The following HBE1 variants were observed in gnomAD, a reference collection of about 807,000 sequenced individuals.
HBE1 encodes the protein hemoglobin subunit epsilon.
Under a neutral mutation model 12.1 loss-of-function variants are expected in HBE1, and 10 were observed. The observed-to-expected ratio is 0.83, with a 90% CI of 0.51 to 1.40. HBE1 has a LOEUF of 1.40. Ranked by LOEUF, HBE1 falls within the 40% of genes most tolerant of loss-of-function variation. The pLI is 0.00. For synonymous variants in HBE1, 78 were observed against 70.4 expected, an observed-to-expected ratio of 1.11 and a Z score of -0.54; for missense variants, 172 against 175.8, an observed-to-expected ratio of 0.98 and a Z score of 0.12.
chr11:5,269,855 G>T lies in HBE1; in HGVS notation c.36C>A (p.Val12=), dbSNP rs151318493. Residue 12 remains valine, a synonymous_variant, in exon 1 of 3, where the codon GTC becomes GTA. Transcript: ENST00000396895. ...VHFTAEEKAA[V]TSLWSKMNVE... ...CATTCATCTTGCTCCACAGGCTAGT[G>T]ACGGCAGCCTTCTCCTCAGCAGTAA... 329 of 1,613,870 alleles carry T rather than the reference G, an allele frequency of 2.0e-4. 1 individual carries two copies. The highest frequency in any genetic ancestry group is 2.1e-4 in the Non-Finnish European group (246 of 1,179,868).
chr11:5,268,406 C>T lies in HBE1; in HGVS notation c.*63G>A, dbSNP rs775280808. 27 of 1,503,272 alleles carry T rather than the reference C, an allele frequency of 1.8e-5. No homozygotes were observed. The highest frequency in any genetic ancestry group is 2.5e-5 in the Non-Finnish European group (27 of 1,094,584). The allele number at this position is 1,503,272 out of a possible 1,614,324, so 93.1% of individuals were successfully genotyped here. A position where few individuals can be genotyped will look rare whatever the true frequency, so the allele number is the denominator to read the frequency against. Reference sequence around the variant, plus strand: ...GAAGGCTTTCTCTCAAGGCCAAGCCCAGTCCCCATGTGCAGAAGGAGGGTG... The same window carrying T: ...GAAGGCTTTCTCTCAAGGCCAAGCCTAGTCCCCATGTGCAGAAGGAGGGTG... On this transcript the variant is annotated 3_prime_UTR_variant, in exon 3 of 3. Coordinates refer to ENST00000396895, the MANE Select transcript of HBE1 (RefSeq NM_005330.4).
Position 5,268,601 on chromosome 11 carries a change from T to C in HBE1, c.316-4A>G. ...TCACCATCACGTTACCCAGGAGCTG[T>C]TAGGCAAAAGACAAAATAACACACA... On this transcript the variant is annotated splice_polypyrimidine_tract_variant and splice_region_variant and intron_variant, in intron 2 of 2. Coordinates refer to ENST00000396895, the MANE Select transcript of HBE1 (RefSeq NM_005330.4). 1 of 1,613,286 alleles carries C rather than the reference T, an allele frequency of 6.2e-7. No individual in the cohort carries two copies. Among genetic ancestry groups the C allele is most frequent in the Non-Finnish European group, 8.5e-7 (1 of 1,179,426 alleles).
chr11:5,269,810 T>C lies in HBE1; in HGVS notation c.81A>G (p.Glu27=), dbSNP rs1848172019. 1.9e-6 allele frequency: 3 copies of C among 1,613,092 alleles called. No individual in the cohort carries two copies. The highest frequency in any genetic ancestry group is 2.5e-6 in the Non-Finnish European group (3 of 1,179,074). The change falls in exon 1 of 3, where the codon GAA becomes GAG. Residue 27 remains glutamate (E), a synonymous_variant. Coordinates refer to ENST00000396895, the MANE Select transcript of HBE1 (RefSeq NM_005330.4). The part of the protein sequence containing the change: ...SKMNVEEAGG[E]ALGRLLVVYP... ...GAACCAATGCTTACCTGCCCAAGGCTTCACCTCCAGCCTCTTCCACATTCA... is the reference window on the plus strand; with the variant it reads ...GAACCAATGCTTACCTGCCCAAGGCCTCACCTCCAGCCTCTTCCACATTCA...
At position 5,269,596 on chromosome 11, in the gene HBE1, T is replaced by C. The variant is rs773095940; in HGVS notation, c.173A>G (p.Asn58Ser). ...NLSSPSAILG[N>S]PKVKAHGKKV... ...CTTGCCATGGGCCTTGACCTTGGGG[T>C]TGCCCAGGATGGCAGAGGGAGACGA... Residue 58 changes from asparagine to serine, a missense_variant, in exon 2 of 3, where the codon AAC becomes AGC. Asn to Ser is a conservative substitution (Grantham distance 46). Transcript: ENST00000396895. 3.7e-6 allele frequency: 6 copies of C among 1,613,300 alleles called. No homozygotes were observed. The East Asian group carries it at 1.3e-4, about 36-fold the overall frequency.
chr11:5,268,724 C>T (rs1848161023), intron 2 of HBE1, 127 bp from the exon 3 acceptor site: 1 of 834,576 alleles, frequency 1.2e-6, no homozygotes, highest in African/African-American at 1.7e-5. Flanking sequence ...ACCCTGACCT[C>T]AAACTGTTCC....
chr11:5,269,276 C>CTGTCACTAG (rs1284555105), intron 2 of HBE1, among the ~76,000 whole-genome samples, 178 bp downstream of exon 2: 3 of 152,196 alleles, frequency 2.0e-5, no homozygotes, highest in Non-Finnish European at 4.4e-5. Flanking sequence ...TAGTCCTTTA[C>CTGTCACTAG]TGTCACTAGT....
chr11:5,269,480 G>C lies in HBE1; in HGVS notation c.289C>G (p.Leu97Val), dbSNP rs747898696. ...AKLSELHCDK[L>V]HVDPENFKLL... ...TTGAAGTTCTCAGGATCCACATGCA[G>C]CTTGTCACAGTGCAGCTCACTCAGC... The change falls in exon 2 of 3, where the codon CTG becomes GTG. Residue 97 changes from leucine (L) to valine (V), a missense_variant. Coordinates refer to ENST00000396895, the MANE Select transcript of HBE1 (RefSeq NM_005330.4). The C allele has an allele frequency of 6.2e-7, 1 of 1,613,832 alleles. No homozygotes were observed. Among genetic ancestry groups the C allele is most frequent in the Admixed American group, 1.7e-5 (1 of 60,016 alleles).
rs765841913 is a variant in HBE1, at chr11:5,269,655, C to T, written c.114G>A (p.Trp38Ter). 6.2e-7 allele frequency: 1 copy of T among 1,613,200 alleles called. No homozygotes were observed. The highest frequency in any genetic ancestry group is 1.1e-5 in the South Asian group (1 of 91,060). ...ALGRLLVVYP[W>*]TQRFFDSFGN... ...CAAAGCTGTCAAAAAATCTCTGGGT[C>T]CAGGGGTAAACAACGAGGAGTCTAT... Residue 38 changes from tryptophan (W) to a stop codon, truncating the protein, a stop_gained, in exon 2 of 3, where the codon TGG becomes TGA. Coordinates refer to ENST00000396895, the MANE Select transcript of HBE1 (RefSeq NM_005330.4). LOFTEE classifies it high-confidence loss of function.
At chr11:5,268,676 A>AACAT (rs1848160232) in intron 2 of HBE1, 79 bp from the exon 3 acceptor site, 1 of 1,367,958 alleles carries the variant, frequency 7.3e-7, no homozygotes, top group Non-Finnish European at 1.0e-6. Context: ...AAAACAAACA[A>AACAT]ACAAACAAAA....
At position 5,269,663 on chromosome 11, in the gene HBE1, AAAC is replaced by A. The variant is rs1564890485; in HGVS notation, c.103_105del (p.Val35del). 2 of 1,612,880 alleles carry A rather than the reference AAAC, an allele frequency of 1.2e-6. No homozygotes were observed. The highest frequency in any genetic ancestry group is 1.3e-5 in the African/African-American group (1 of 75,012). On this transcript the variant is annotated inframe_deletion, in exon 2 of 3. Transcript: ENST00000396895. ...TCAAAAAATCTCTGGGTCCAGGGGTAAACAACGAGGAGTCTATGAAATGACACC... is the reference window on the plus strand; with the variant it reads ...TCAAAAAATCTCTGGGTCCAGGGGTAAACGAGGAGTCTATGAAATGACACC...
chr11:5,269,839 T>A lies in HBE1; in HGVS notation c.52A>T (p.Lys18Ter). 5 of 1,614,068 alleles carry A rather than the reference T, an allele frequency of 3.1e-6. No homozygotes were observed. The highest frequency in any genetic ancestry group is 4.2e-6 in the Non-Finnish European group (5 of 1,179,940). ...EKAAVTSLWS[K>*]MNVEEAGGEA... The stretch of plus-strand genomic sequence containing the variant: ...CCTCCAGCCTCTTCCACATTCATCT[T>A]GCTCCACAGGCTAGTGACGGCAGCC... Residue 18 changes from lysine to a stop codon, truncating the protein, a stop_gained, in exon 1 of 3, where the codon AAG becomes TAG. Coordinates refer to ENST00000396895, the MANE Select transcript of HBE1 (RefSeq NM_005330.4). LOFTEE classifies it high-confidence loss of function.
chr11:5,269,817 C>T lies in HBE1; in HGVS notation c.74G>A (p.Gly25Glu), dbSNP rs1162100767. The T allele has an allele frequency of 6.2e-7, 1 of 1,613,032 alleles. No individual in the cohort carries two copies. The highest frequency in any genetic ancestry group is 1.1e-5 in the South Asian group (1 of 91,060). The change falls in exon 1 of 3, where the codon GGA becomes GAA. Residue 25 changes from glycine (G) to glutamate (E), a missense_variant. By Grantham distance (98) the Gly-to-Glu change is moderately conservative. Transcript: ENST00000396895. ...TGCTTACCTGCCCAAGGCTTCACCTCCAGCCTCTTCCACATTCATCTTGCT... is the reference window on the plus strand; with the variant it reads ...TGCTTACCTGCCCAAGGCTTCACCTTCAGCCTCTTCCACATTCATCTTGCT... ...LWSKMNVEEA[G>E]GEALGRLLVV... is the part of the protein sequence containing the mutation.
In HBE1 at chr11:5,268,415, T is replaced by G; in HGVS notation, c.*54A>C. 1 of 1,555,264 alleles carries G rather than the reference T, an allele frequency of 6.4e-7. No individual in the cohort carries two copies. The highest frequency in any genetic ancestry group is 1.7e-5 in the Admixed American group (1 of 57,852). On this transcript the variant is annotated 3_prime_UTR_variant, in exon 3 of 3. Coordinates refer to ENST00000396895, the MANE Select transcript of HBE1 (RefSeq NM_005330.4). ...CTCTCAAGGCCAAGCCCAGTCCCCA[T>G]GTGCAGAAGGAGGGTGTCAGGGTCA...
At chr11:5,269,067 A>C (rs1848163700) in intron 2 of HBE1, among the ~76,000 whole-genome samples, 1 of 152,050 alleles carries the variant, frequency 6.6e-6, no homozygotes, top group Non-Finnish European at 1.5e-5. Context: ...TTTTTTGCAA[A>C]AATCTCTTTC....
rs112459959 is a variant in HBE1 at position 5,269,281 on chromosome 11, A to C, written c.315+173T>G. 3.6e-3 allele frequency among the ~76,000 whole-genome samples: 548 copies of C among 152,304 alleles called. 5 individuals are homozygous for C. Among genetic ancestry groups the C allele is most frequent in the African/African-American group, 0.012 (487 of 41,560 alleles). ...AGGCTGTTAGTAGTCCTTTACTGTC[A>C]CTAGTTCTGAATCATGTAAGTTTTG... On this transcript the variant is annotated intron_variant, in intron 2 of 2. Transcript: ENST00000396895.
In HBE1 at chr11:5,269,852, A is replaced by C. The variant is rs1284811767; in HGVS notation, c.39T>G (p.Thr13=). 1 of 1,613,918 alleles carries C rather than the reference A, an allele frequency of 6.2e-7. No individual in the cohort carries two copies. The highest frequency in any genetic ancestry group is 1.7e-5 in the Admixed American group (1 of 60,000). ...HFTAEEKAAV[T]SLWSKMNVEE... ...CCACATTCATCTTGCTCCACAGGCT[A>C]GTGACGGCAGCCTTCTCCTCAGCAG... The change falls in exon 1 of 3, where the codon ACT becomes ACG. Residue 13 remains threonine (T), a synonymous_variant. Transcript: ENST00000396895.
In HBE1 at chr11:5,269,923, A is replaced by C; in HGVS notation, c.-33T>G. 6.7e-7 allele frequency: 1 copy of C among 1,499,608 alleles called. No homozygotes were observed. Among genetic ancestry groups the C allele is most frequent in the East Asian group, 2.3e-5 (1 of 44,336 alleles). 92.9% of individuals were successfully genotyped at this position (1,499,608 alleles called of 1,614,324 possible). ...GGCCTGAGAGCTTGCTAGTGATTGC[A>C]GCTGTGTCGGAAGCAGATATGTGCT... On this transcript the variant is annotated 5_prime_UTR_variant, in exon 1 of 3. Transcript: ENST00000396895.
chr11:5,269,732 C>T, intron 1 of HBE1, 56 bp from the exon 2 acceptor site: 2 of 1,570,324 alleles, frequency 1.3e-6, no homozygotes, highest in Admixed American at 3.4e-5. Context: ...ATCTTGAGGA[C>T]TTTCCCAATC....
Position 5,268,513 on chromosome 11 carries a change from G to T in HBE1, c.400C>A (p.Leu134Met). ...AGGGCAATGGCGACAGCAGACACCA[G>T]CTTCTGCCAGGCAGCCTGCACTTCA... ...TPEVQAAWQK[L>M]VSAVAIALAH... Residue 134 changes from leucine to methionine, a missense_variant, in exon 3 of 3, where the codon CTG becomes ATG. By Grantham distance (15) the Leu-to-Met change is conservative. Transcript: ENST00000396895. 6.2e-7 allele frequency: 1 copy of T among 1,613,932 alleles called. No homozygotes were observed. The highest frequency in any genetic ancestry group is 8.5e-7 in the Non-Finnish European group (1 of 1,179,836).
Sources: gnomAD v4.1 joint callset for allele counts (sites outside exome capture counted in the v4.1 genomes callset) on GRCh38, gnomAD v4.1.1 for gene constraint, MANE v1.5 for transcripts, NCBI Gene and HGNC (gene_info 2026-07-23, HGNC 2026-07-21) for gene names.